CCN4: variants seen among roughly 807,000 people sequenced by gnomAD.
CCN4 encodes the protein cellular communication network factor 4.
In CCN4, 30 loss-of-function variants were observed where a neutral mutation model predicts 36.7. The observed-to-expected ratio is 0.82, with a 90% CI of 0.61 to 1.11. The LOEUF is 1.11. Ranked by LOEUF, CCN4 falls within the 50% of genes least tolerant of loss-of-function variation. CCN4 has a pLI of 0.00. For missense variants in CCN4, 505 were observed against 504.9 expected (o/e 1.00, Z 0.00); for synonymous variants, 191 against 195.4 (o/e 0.98, Z 0.19).
chr8:133,227,457 A>C lies in CCN4; in HGVS notation c.851A>C (p.Asn284Thr). 2 of 1,614,140 alleles carry C rather than the reference A, an allele frequency of 1.2e-6. No homozygotes were observed. The highest frequency in any genetic ancestry group is 1.7e-5 in the Admixed American group (1 of 60,024). The part of the protein sequence containing the change: ...LAVYQPEASM[N>T]FTLAGCISTR... ...GTGTACCAGCCAGAGGCATCCATGA[A>C]CTTCACACTTGCGGGCTGCATCAGC... Residue 284 changes from asparagine to threonine, a missense_variant, in exon 5 of 5, where the codon AAC (asparagine) becomes ACC (threonine). Coordinates refer to ENST00000250160, the MANE Select transcript of CCN4 (RefSeq NM_003882.4).
In CCN4 at chr8:133,225,387, C is replaced by T; in HGVS notation, c.611-3C>T. On this transcript the variant is annotated splice_region_variant and splice_polypyrimidine_tract_variant and intron_variant, in intron 3 of 4. Coordinates refer to ENST00000250160, the MANE Select transcript of CCN4 (RefSeq NM_003882.4). ...TCATGCAGATTCTGTTCCCCACACA[C>T]AGATGCTGTGGGTGAGGTGGAGGCA... 6.3e-7 allele frequency: 1 copy of T among 1,594,414 alleles called. No individual in the cohort carries two copies. Among genetic ancestry groups the T allele is most frequent in the Non-Finnish European group, 8.6e-7 (1 of 1,167,228 alleles).
chr8:133,221,997 G>C (rs1314178560), intron 3 of CCN4, among the ~76,000 whole-genome samples: 2 of 151,988 alleles, frequency 1.3e-5, no homozygotes, highest in Non-Finnish European at 2.9e-5. Flanking sequence ...TGGATGGATG[G>C]ATGGATGAAT....
intron 1 of CCN4, 97 bp downstream of exon 1, chr8:133,191,310 G>C (rs1195059553): frequency 1.4e-6 from 2 of 1,399,726 alleles, no homozygotes; most frequent in African/African-American, 2.9e-5. Context: ...AAAGGGCCAG[G>C]AAGGTTTGGG....
chr8:133,197,970 A>G (rs13281186), intron 1 of CCN4, among the ~76,000 whole-genome samples: 36,555 of 152,166 alleles, frequency 0.24, 4,803 homozygotes, highest in Middle Eastern at 0.32. Flanking sequence ...CCCTCAGAGC[A>G]GAACAGCAGA....
intron 1 of CCN4, among the ~76,000 whole-genome samples, chr8:133,198,411 C>T (rs775053975): frequency 6.6e-6 from 1 of 152,144 alleles, no homozygotes; most frequent in African/African-American, 2.4e-5. Context: ...CCTGGACGTC[C>T]GAGGGGTCCC....
In CCN4 at chr8:133,195,173, G is replaced by A. The variant is rs567487312; in HGVS notation, c.69+3960G>A. Among the ~76,000 whole-genome samples, 349 of 147,300 alleles carry A rather than the reference G, an allele frequency of 2.4e-3. 3 individuals are homozygous for A. Among genetic ancestry groups the A allele is most frequent in the African/African-American group, 8.4e-3 (335 of 39,712 alleles). Reference sequence around the variant, plus strand: ...TGTGTGTGTTGAGTGTGTATGTGGTGTGTTTGTGTATGTGGTGTGTGTGTG... The same window carrying A: ...TGTGTGTGTTGAGTGTGTATGTGGTATGTTTGTGTATGTGGTGTGTGTGTG... On this transcript the variant is annotated intron_variant, in intron 1 of 4. Coordinates refer to ENST00000250160, the MANE Select transcript of CCN4 (RefSeq NM_003882.4).
rs369747604 is a variant in CCN4 at position 133,202,501 on chromosome 8, T to C, written c.70-10363T>C. On this transcript the variant is annotated intron_variant, in intron 1 of 4. Coordinates refer to ENST00000250160, the MANE Select transcript of CCN4 (RefSeq NM_003882.4). ...AACACATGGACTAGGGCTCGTTATC[T>C]GGAAAAAAAACCTGGCTTCTTGCCC... 7.9e-5 allele frequency among the ~76,000 whole-genome samples: 12 copies of C among 152,298 alleles called. No individual in the cohort carries two copies. The East Asian group carries it at 1.9e-3, about 25-fold the overall frequency.
intron 2 of CCN4, 43 bp downstream of exon 2, chr8:133,213,186 C>T (rs1326048245): frequency 1.3e-6 from 2 of 1,564,828 alleles, no homozygotes; most frequent in South Asian, 2.3e-5. Context: ...CCTGAGCACC[C>T]CCAGCTCTGG....
At chr8:133,196,923 C>A (rs1265033145) in intron 1 of CCN4, among the ~76,000 whole-genome samples, 3 of 152,150 alleles carry the variant, frequency 2.0e-5, no homozygotes, top group Admixed American at 6.5e-5. Context: ...GGAGGAGGGG[C>A]AGGCTGAGGG....
At chr8:133,218,016 T>C (rs922567745) in intron 2 of CCN4, among the ~76,000 whole-genome samples, 3 of 151,070 alleles carry the variant, frequency 2.0e-5, no homozygotes, top group Non-Finnish European at 2.9e-5. Flanking sequence ...AATGCAAAGA[T>C]GAGTGATTCA....
At chr8:133,192,651 G>T (rs1401475294) in intron 1 of CCN4, among the ~76,000 whole-genome samples, 2 of 152,236 alleles carry the variant, frequency 1.3e-5, no homozygotes, top group African/African-American at 4.8e-5. Context: ...TCGGCTCTGG[G>T]TATGGCTGCG....
chr8:133,209,648 T>C (rs1853919248), intron 1 of CCN4, among the ~76,000 whole-genome samples: 1 of 152,218 alleles, frequency 6.6e-6, no homozygotes, highest in African/African-American at 2.4e-5. Context: ...GGAGGATGGA[T>C]AGTGATCCCA....
chr8:133,224,062 T>A (rs1244662460), intron 3 of CCN4, among the ~76,000 whole-genome samples: 1 of 152,006 alleles, frequency 6.6e-6, no homozygotes, highest in African/African-American at 2.4e-5. Context: ...AGGCGTGAAG[T>A]CATCTTTTCT....
At chr8:133,219,244 C>G (rs1409497089) in intron 2 of CCN4, among the ~76,000 whole-genome samples, 1 of 152,162 alleles carries the variant, frequency 6.6e-6, no homozygotes, top group Non-Finnish European at 1.5e-5. Context: ...TACAAGGAAG[C>G]CTTCTCGGAC....
intron 3 of CCN4, among the ~76,000 whole-genome samples, chr8:133,224,156 G>A (rs1238071518): frequency 6.7e-6 from 1 of 148,352 alleles, no homozygotes; most frequent in Non-Finnish European, 1.5e-5. Context: ...CTAGCTTATT[G>A]GAAGTTACAT....
At chr8:133,198,019 C>A (rs569513427) in intron 1 of CCN4, among the ~76,000 whole-genome samples, 140 of 152,292 alleles carry the variant, frequency 9.2e-4, no homozygotes, top group Non-Finnish European at 1.3e-4. Context: ...GGGGAAATAG[C>A]TCCTGCTGTG....
In CCN4 at chr8:133,225,485, A is replaced by G. The variant is rs1209854005; in HGVS notation, c.706A>G (p.Thr236Ala). 1 of 1,614,038 alleles carries G rather than the reference A, an allele frequency of 6.2e-7. No individual in the cohort carries two copies. Among genetic ancestry groups the G allele is most frequent in the Middle Eastern group, 1.7e-4 (1 of 6,046 alleles). Residue 236 changes from threonine to alanine, a missense_variant, in exon 4 of 5, where the codon ACT (threonine) becomes GCT (alanine). Thr to Ala is a moderately conservative substitution (Grantham distance 58). Coordinates refer to ENST00000250160, the MANE Select transcript of CCN4 (RefSeq NM_003882.4). ...CACCAGCTGCGGCCTGGGGGTCTCC[A>G]CTCGGATCTCCAATGTTAACGCCCA... The part of the protein sequence containing the change: ...CSTSCGLGVS[T>A]RISNVNAQCW...
chr8:133,218,605 T>C (rs532379865), intron 2 of CCN4, among the ~76,000 whole-genome samples: 1 of 152,340 alleles, frequency 6.6e-6, no homozygotes, highest in African/African-American at 2.4e-5. Flanking sequence ...GGATTACTGC[T>C]ATTATTAACA....
rs1488449998 is a variant in CCN4 at position 133,191,107 on chromosome 8, G to A, written c.-38G>A. 2 of 1,602,438 alleles carry A rather than the reference G, an allele frequency of 1.2e-6. No individual in the cohort carries two copies. The highest frequency in any genetic ancestry group is 1.7e-5 in the Admixed American group (1 of 59,946). On this transcript the variant is annotated 5_prime_UTR_variant, in exon 1 of 5. Coordinates refer to ENST00000250160, the MANE Select transcript of CCN4 (RefSeq NM_003882.4). ...CCCCGAGAGGTGGTCGGATCCTCTG[G>A]GCTGCTCGGTCGATGCCTGTGCCAC...
Sources: allele counts gnomAD v4.1 joint callset (sites outside exome capture counted in the v4.1 genomes callset), GRCh38; gene constraint gnomAD v4.1.1; transcripts MANE v1.5; gene names NCBI Gene and HGNC (gene_info 2026-07-23, HGNC 2026-07-21).